TFEC: variants seen among roughly 807,000 people sequenced by gnomAD.
TFEC encodes the protein transcription factor EC.
In TFEC, 31 loss-of-function variants were observed where a neutral mutation model predicts 41.6. That is an observed-to-expected ratio of 0.74 (90% CI 0.56 to 1.01). The LOEUF is 1.01. TFEC is among the 50% of genes least tolerant of loss of function. The pLI, the probability that TFEC is intolerant of heterozygous loss-of-function variation, is 0.00. For synonymous variants in TFEC, 143 were observed against 140.6 expected, an observed-to-expected ratio of 1.02 and a Z score of -0.12; for missense variants, 402 against 404.1, an observed-to-expected ratio of 0.99 and a Z score of 0.04.
rs145661659 is a variant in TFEC at position 116,059,398 on chromosome 7, T to C, written c.198+51310A>G. ...AAAACTCTAAGCTCAGATGACTTCA[T>C]TGGTGAATTCTAGCAAACTTTTAAG... is the stretch of plus-strand genomic sequence containing the variant. On this transcript the variant is annotated intron_variant, in intron 3 of 8. Coordinates refer to the TFEC transcript ENST00000484212. Among the ~76,000 whole-genome samples the C allele has an allele frequency of 3.5e-3, 536 of 152,050 alleles. 1 individual carries two copies. Among genetic ancestry groups the C allele is most frequent in the African/African-American group, 0.012 (501 of 41,540 alleles).
intron 3 of TFEC, among the ~76,000 whole-genome samples, chr7:116,037,258 G>T (rs1795931707): frequency 6.6e-6 from 1 of 152,016 alleles, no homozygotes; most frequent in African/African-American, 2.4e-5. Flanking sequence ...TTAGCAACAA[G>T]TGGGCCAGTT....
At chr7:116,122,165 G>C (rs1004393361) in intron 1 of TFEC, among the ~76,000 whole-genome samples, 1 of 152,052 alleles carries the variant, frequency 6.6e-6, no homozygotes, top group African/African-American at 2.4e-5. Context: ...TGTTTGGATA[G>C]ATAAGACCCC....
chr7:116,034,704 A>ACACT (rs889265834), upstream of TFEC, among the ~76,000 whole-genome samples: 1 of 151,218 alleles, frequency 6.6e-6, no homozygotes, highest in Non-Finnish European at 1.5e-5. Context: ...ACACACACAC[A>ACACT]CACACACACA....
At chr7:115,948,656 T>C (rs1255888245) in intron 6 of TFEC, among the ~76,000 whole-genome samples, 1 of 151,700 alleles carries the variant, frequency 6.6e-6, no homozygotes, top group African/African-American at 2.4e-5. Flanking sequence ...CAACCCTTCA[T>C]GCTAAAAACT....
At chr7:115,946,396 C>CGTGTGTGTGTGTGTGTGT (rs3028673) in intron 6 of TFEC, among the ~76,000 whole-genome samples, 5 of 123,074 alleles carry the variant, frequency 4.1e-5, no homozygotes, top group Admixed American at 1.7e-4. Flanking sequence ...AGAAACATAA[C>CGTGTGTGTGTGTGTGTGT]GTGTGTGTGT....
chr7:115,939,765 T>A lies in TFEC; in HGVS notation c.*786A>T, dbSNP rs1793395718. On this transcript the variant is annotated 3_prime_UTR_variant, in exon 8 of 8. Transcript: ENST00000265440. ...AAGAACATATACTACCTGAATGATG[T>A]GCATATGTGTATGTGTATGTTTGTG... 1 of 152,054 alleles carries A rather than the reference T, an allele frequency of 6.6e-6. No homozygotes were observed. The highest frequency in any genetic ancestry group is 1.5e-5 in the Non-Finnish European group (1 of 67,978). The allele number at this position is 152,054 out of a possible 1,614,324, so 9.4% of individuals were successfully genotyped here.
At chr7:116,006,286 C>G (rs1487295294) in intron 1 of TFEC, among the ~76,000 whole-genome samples, 1 of 152,194 alleles carries the variant, frequency 6.6e-6, no homozygotes, top group Non-Finnish European at 1.5e-5. Context: ...GCTTCAGACA[C>G]TCAACACCAG....
intron 3 of TFEC, among the ~76,000 whole-genome samples, chr7:116,058,903 G>A (rs1019099851): frequency 6.6e-6 from 1 of 151,594 alleles, no homozygotes; most frequent in Non-Finnish European, 1.5e-5. Context: ...ATTGAGGGAC[G>A]AATTTTTAGT....
intron 1 of TFEC, among the ~76,000 whole-genome samples, chr7:116,025,234 G>A (rs1458160569): frequency 6.6e-6 from 1 of 152,130 alleles, no homozygotes; most frequent in Non-Finnish European, 1.5e-5. Flanking sequence ...CCTAAGGCAG[G>A]CTTCCCTGAG....
Position 116,054,361 on chromosome 7 carries a change from T to C in TFEC, c.198+56347A>G, listed in dbSNP as rs116592957. Among the ~76,000 whole-genome samples, 616 of 152,266 alleles carry C rather than the reference T, an allele frequency of 4.0e-3. 5 individuals are homozygous for C. The highest frequency in any genetic ancestry group is 0.014 in the African/African-American group (583 of 41,562). ...AGTGTATATATTTGGAATGATAAGT[T>C]CTAGAATACAATCCTGTAGAAGTGT... On this transcript the variant is annotated intron_variant, in intron 3 of 8. Coordinates refer to the TFEC transcript ENST00000484212.
At chr7:116,113,465 G>C (rs1797902467) in intron 1 of TFEC, among the ~76,000 whole-genome samples, 1 of 151,924 alleles carries the variant, frequency 6.6e-6, no homozygotes, top group Non-Finnish European at 1.5e-5. Flanking sequence ...AACTTGATTT[G>C]AGAATTCTGG....
chr7:115,972,166 A>C (rs957261390), intron 3 of TFEC, among the ~76,000 whole-genome samples: 7 of 152,046 alleles, frequency 4.6e-5, no homozygotes, highest in Non-Finnish European at 1.0e-4. Context: ...TCTATCTCTT[A>C]AAATCTTAAC....
rs1035830585 is a variant in TFEC at position 115,939,842 on chromosome 7, C to T, written c.*709G>A. The T allele has an allele frequency of 6.6e-6, 1 of 151,976 alleles. No homozygotes were observed. Among genetic ancestry groups the T allele is most frequent in the African/African-American group, 2.4e-5 (1 of 41,412 alleles). The allele number at this position is 151,976 out of a possible 1,614,324, so 9.4% of individuals were successfully genotyped here. ...TCCTGAGGAAAATATTCAATATGTT[C>T]CTTTTCCTGAACAGAGACTGGAGAT... On this transcript the variant is annotated 3_prime_UTR_variant, in exon 8 of 8. Transcript: ENST00000265440.
At chr7:116,014,217 C>T (rs1795106260) in intron 1 of TFEC, among the ~76,000 whole-genome samples, 1 of 152,000 alleles carries the variant, frequency 6.6e-6, no homozygotes, top group Non-Finnish European at 1.5e-5. Flanking sequence ...TTCAGCTTGG[C>T]TTATCCTGCA....
At chr7:116,036,174 A>G (rs531055744) in intron 3 of TFEC, among the ~76,000 whole-genome samples, 1 of 152,240 alleles carries the variant, frequency 6.6e-6, no homozygotes, top group East Asian at 1.9e-4. Flanking sequence ...GAATTGGACC[A>G]TAACATTTTC....
At chr7:116,000,053 T>C (rs754442489) in intron 1 of TFEC, among the ~76,000 whole-genome samples, 1 of 151,974 alleles carries the variant, frequency 6.6e-6, no homozygotes, top group Non-Finnish European at 1.5e-5. Context: ...CAATGAACAT[T>C]GATGCAAAAA....
At chr7:116,124,699 A>G (rs1798175535) in intron 1 of TFEC, among the ~76,000 whole-genome samples, 1 of 152,148 alleles carries the variant, frequency 6.6e-6, no homozygotes, top group Non-Finnish European at 1.5e-5. Flanking sequence ...AGGGGTAGCA[A>G]CTGACTCTAT....
chr7:116,131,735 A>G (rs779877389), intron 1 of TFEC, among the ~76,000 whole-genome samples: 1 of 152,138 alleles, frequency 6.6e-6, no homozygotes, highest in East Asian at 1.9e-4. Context: ...TTCTATCATC[A>G]TCTCCACTCC....
chr7:116,065,903 A>C (rs759366011), intron 3 of TFEC, among the ~76,000 whole-genome samples: 5 of 152,144 alleles, frequency 3.3e-5, no homozygotes, highest in Non-Finnish European at 7.4e-5. Context: ...CTGGAGCTAC[A>C]TGGTGCCAAC....
Sources: gnomAD v4.1 joint callset for allele counts (sites outside exome capture counted in the v4.1 genomes callset) on GRCh38, gnomAD v4.1.1 for gene constraint, MANE v1.5 for transcripts, NCBI Gene and HGNC (gene_info 2026-07-23, HGNC 2026-07-21) for gene names.